Variants in TMEM266 observed in about 807,000 individuals in gnomAD.
TMEM266 encodes the protein transmembrane protein 266.
A neutral mutation model predicts 50.5 loss-of-function variants in TMEM266; 33 were observed. The ratio of observed to expected loss-of-function variants is 0.65; its 90% CI spans 0.50 to 0.87. The LOEUF is 0.87. Ranked by LOEUF, TMEM266 falls within the 40% of genes least tolerant of loss-of-function variation. TMEM266 has a pLI of 0.00. For missense variants in TMEM266, 655 were observed against 695.1 expected (o/e 0.94, Z 0.65); for synonymous variants, 310 against 292.3 (o/e 1.06, Z -0.62).
At chr15:76,158,627 G>T (rs1406567352) in intron 4 of TMEM266, among the ~76,000 whole-genome samples, 1 of 151,984 alleles carries the variant, frequency 6.6e-6, no homozygotes, top group Non-Finnish European at 1.5e-5. Flanking sequence ...TCCATAAAAC[G>T]CACAATCAGA....
chr15:76,195,752 C>T (rs922737727), intron 9 of TMEM266, among the ~76,000 whole-genome samples: 1 of 152,212 alleles, frequency 6.6e-6, no homozygotes, highest in Non-Finnish European at 1.5e-5. Context: ...GGGTCATTGG[C>T]TTTAGAGCTA....
At chr15:76,106,725 C>A (rs1463826828) in intron 1 of TMEM266, among the ~76,000 whole-genome samples, 1 of 152,212 alleles carries the variant, frequency 6.6e-6, no homozygotes, top group Admixed American at 6.5e-5. Flanking sequence ...GGATTACAGG[C>A]GTGAGCCACC....
chr15:76,204,540 C>T lies in TMEM266; in HGVS notation c.*225C>T, dbSNP rs985631311. On this transcript the variant is annotated 3_prime_UTR_variant, in exon 11 of 11. Coordinates refer to ENST00000388942, the MANE Select transcript of TMEM266 (RefSeq NM_152335.3). ...TCGCCCTGCTCAGGGGAGGGTGGTG[C>T]TCGTGGCTGGGTTTTCTTTTTAACC... 1.6e-5 allele frequency: 7 copies of T among 430,798 alleles called. 1 individual carries two copies. In the South Asian group the frequency reaches 4.9e-4, roughly 30 times the overall value. 26.7% of individuals were successfully genotyped at this position (430,798 alleles called of 1,614,324 possible).
intron 7 of TMEM266, among the ~76,000 whole-genome samples, chr15:76,172,726 G>GA (rs2038205070): frequency 6.6e-6 from 1 of 152,218 alleles, no homozygotes; most frequent in Non-Finnish European, 1.5e-5. Context: ...CAAGAAGGAT[G>GA]AGGGTCACAT....
intron 1 of TMEM266, among the ~76,000 whole-genome samples, chr15:76,080,009 G>A (rs1488016786): frequency 6.6e-6 from 1 of 151,862 alleles, no homozygotes; most frequent in Non-Finnish European, 1.5e-5. Flanking sequence ...GCATAAAGAT[G>A]CTTGGCAGTA....
rs200892233 is a variant in TMEM266 at position 76,144,329 on chromosome 15, TG to T, written c.227+6435del. Among the ~76,000 whole-genome samples the T allele has an allele frequency of 6.6e-3, 1,011 of 152,300 alleles. 8 individuals are homozygous for T. The highest frequency in any genetic ancestry group is 0.023 in the African/African-American group (974 of 41,556). On this transcript the variant is annotated intron_variant, in intron 3 of 10. Coordinates refer to ENST00000388942, the MANE Select transcript of TMEM266 (RefSeq NM_152335.3). ...TGCCCCAAAGCTACACGAAGCCTGCTGTGGTTACCTCTAGTCACCTATAGTC... is the reference window on the plus strand; with the variant it reads ...TGCCCCAAAGCTACACGAAGCCTGCTTGGTTACCTCTAGTCACCTATAGTC...
At position 76,161,070 on chromosome 15, in the gene TMEM266, T is replaced by C. The variant is rs1208265469; in HGVS notation, c.456+902T>C. ...CACTGAAGGACAGGAGAGTTTCATG[T>C]GGAAAACTGGTTTCTCCTAACAGAG... On this transcript the variant is annotated intron_variant, in intron 5 of 10. Coordinates refer to ENST00000388942, the MANE Select transcript of TMEM266 (RefSeq NM_152335.3). This position sits in a 1 kb window ranked among gnomAD's most constrained non-coding sequence, Gnocchi z 4.1. Among the ~76,000 whole-genome samples, 1 of 152,162 alleles carries C rather than the reference T, an allele frequency of 6.6e-6. No homozygotes were observed. The highest frequency in any genetic ancestry group is 2.4e-5 in the African/African-American group (1 of 41,428).
intron 3 of TMEM266, among the ~76,000 whole-genome samples, chr15:76,154,878 T>C (rs1443083827): frequency 1.3e-5 from 2 of 152,234 alleles, no homozygotes; most frequent in African/African-American, 2.4e-5. Flanking sequence ...TTTCCCTGGA[T>C]GGACTGTGAG....
At chr15:76,079,633 C>A (rs1049180220) in intron 1 of TMEM266, among the ~76,000 whole-genome samples, 3 of 150,500 alleles carry the variant, frequency 2.0e-5, no homozygotes, top group African/African-American at 7.3e-5. Flanking sequence ...ACTAAAAATA[C>A]AAAAATTAGC....
At position 76,191,994 on chromosome 15, in the gene TMEM266, C is replaced by T; in HGVS notation, c.795C>T (p.His265=). The T allele has an allele frequency of 6.3e-7, 1 of 1,584,062 alleles. No homozygotes were observed. The change falls in exon 9 of 11, where the codon CAC becomes CAT. Residue 265 remains histidine, a synonymous_variant. Transcript: ENST00000388942. ...TTGAGATCCGGCAGCTGCGCGCGCA[C>T]CTGGCGCAGCAGGACCTGGACCTGG...
rs928359695 is a variant in TMEM266 at position 76,204,089 on chromosome 15, C to T, written c.1370C>T (p.Ala457Val). ...GAGGACCCCTGCCCTTCCCAGAAGGCCTTGGACCCAGCCCCCCTCGCCCGG... is the reference window on the plus strand; with the variant it reads ...GAGGACCCCTGCCCTTCCCAGAAGGTCTTGGACCCAGCCCCCCTCGCCCGG... The change falls in exon 11 of 11, where the codon GCC becomes GTC. Residue 457 changes from alanine to valine, a missense_variant. Physicochemically the swap from Ala to Val is moderately conservative, Grantham distance 64 (BLOSUM62 0). Transcript: ENST00000388942. The T allele has an allele frequency of 1.2e-6, 2 of 1,612,842 alleles. No individual in the cohort carries two copies. Among genetic ancestry groups the T allele is most frequent in the Non-Finnish European group, 1.7e-6 (2 of 1,179,620 alleles).
chr15:76,105,250 A>G (rs1302579520), intron 1 of TMEM266, among the ~76,000 whole-genome samples: 1 of 152,074 alleles, frequency 6.6e-6, no homozygotes, highest in Non-Finnish European at 1.5e-5. Context: ...CATCTCAAAA[A>G]AAAAGTAAAG....
Position 76,093,095 on chromosome 15 carries a change from C to T in TMEM266, c.-97+33079C>T, listed in dbSNP as rs952589614. On this transcript the variant is annotated intron_variant, in intron 1 of 10. Coordinates refer to ENST00000388942, the MANE Select transcript of TMEM266 (RefSeq NM_152335.3). ...TGCTGGGATTACAGGCGTAAACCAC[C>T]GTGCCCAGCCAGGTGCTATTTTTAT... Among the ~76,000 whole-genome samples, 7 of 151,698 alleles carry T rather than the reference C, an allele frequency of 4.6e-5. 1 individual carries two copies. The highest frequency in any genetic ancestry group is 4.4e-5 in the Non-Finnish European group (3 of 67,892).
chr15:76,108,732 C>T (rs921596730), intron 1 of TMEM266, among the ~76,000 whole-genome samples: 2 of 152,134 alleles, frequency 1.3e-5, no homozygotes, highest in African/African-American at 4.8e-5. Context: ...GAAGGTGAGA[C>T]CATCTTTGAT....
chr15:76,094,357 A>G (rs1332339169), intron 1 of TMEM266, among the ~76,000 whole-genome samples: 2 of 152,062 alleles, frequency 1.3e-5, no homozygotes, highest in Non-Finnish European at 2.9e-5. Flanking sequence ...TCCCAACACC[A>G]TTGATTAAAT....
At chr15:76,123,614 A>G (rs989709906) in intron 1 of TMEM266, among the ~76,000 whole-genome samples, 7 of 152,176 alleles carry the variant, frequency 4.6e-5, no homozygotes, top group Admixed American at 3.3e-4. Flanking sequence ...TCTAGCATAC[A>G]ATTAGTTACC....
chr15:76,163,429 G>A (rs1376008981), intron 5 of TMEM266, among the ~76,000 whole-genome samples: 2 of 152,188 alleles, frequency 1.3e-5, no homozygotes, highest in Admixed American at 1.3e-4. Context: ...TCCCTGCACA[G>A]GGTCCAAGGT....
chr15:76,200,142 G>A (rs1441476775), intron 9 of TMEM266, among the ~76,000 whole-genome samples: 1 of 152,162 alleles, frequency 6.6e-6, no homozygotes, highest in Non-Finnish European at 1.5e-5. Flanking sequence ...TGACTCCACT[G>A]AGCACAGATG....
At chr15:76,127,186 A>G (rs1174577048) in intron 1 of TMEM266, among the ~76,000 whole-genome samples, 4 of 152,178 alleles carry the variant, frequency 2.6e-5, no homozygotes, top group Admixed American at 2.0e-4. Flanking sequence ...TCATTTCACA[A>G]TGTATACATA....
Sources: allele counts gnomAD v4.1 joint callset (sites outside exome capture counted in the v4.1 genomes callset), GRCh38; gene constraint gnomAD v4.1.1; non-coding constraint Gnocchi (gnomAD v3.1); transcripts MANE v1.5; gene names NCBI Gene and HGNC (gene_info 2026-07-23, HGNC 2026-07-21).